MXI1: variants seen among roughly 807,000 people sequenced by gnomAD.
The protein encoded by MXI1 is MAX interactor 1, dimerization protein, also known as max-interacting protein 1.
In MXI1, 18 loss-of-function variants were observed where a neutral mutation model predicts 36.9. The ratio of observed to expected loss-of-function variants is 0.49; its 90% CI spans 0.34 to 0.72. MXI1 has a LOEUF of 0.72. Among genes scored for constraint, MXI1 ranks in the 30% least tolerant of loss-of-function variants. MXI1 has a pLI of 0.01. For synonymous variants in MXI1, 160 were observed against 146.7 expected, an observed-to-expected ratio of 1.09 and a Z score of -0.65; for missense variants, 304 against 379.1, an observed-to-expected ratio of 0.80 and a Z score of 1.64.
At chr10:110,229,965 A>G (rs1201619928) in intron 2 of MXI1, among the ~76,000 whole-genome samples, 1 of 152,134 alleles carries the variant, frequency 6.6e-6, no homozygotes, top group Non-Finnish European at 1.5e-5. Context: ...TTAGGTATAT[A>G]ATTTCAGTAC....
chr10:110,218,542 C>T (rs1461481160), intron 1 of MXI1, among the ~76,000 whole-genome samples: 2 of 152,134 alleles, frequency 1.3e-5, no homozygotes, highest in Non-Finnish European at 2.9e-5. Flanking sequence ...CCTTTTCTCC[C>T]CACTCTTGCT....
rs775254974 is a variant in MXI1, at chr10:110,284,804, T to TTC, written c.725-19_725-18insCT. ...ATACTCGATAATTAATGTTCTTCTT[T>TTC]TTTTTTTTTCCTTTGGCAGAGGAGA... On this transcript the variant is annotated intron_variant, in intron 5 of 5. Coordinates refer to ENST00000332674, the MANE Select transcript of MXI1 (RefSeq NM_130439.3). 1.2e-5 allele frequency: 14 copies of TTC among 1,163,360 alleles called. No individual in the cohort carries two copies. The highest frequency in any genetic ancestry group is 1.0e-4 in the Admixed American group (3 of 30,142). 72.1% of individuals were successfully genotyped at this position (1,163,360 alleles called of 1,614,324 possible).
Position 110,287,032 on chromosome 10 carries a change from T to G in MXI1, c.*2045T>G, listed in dbSNP as rs1289642191. 6.6e-6 allele frequency: 1 copy of G among 152,256 alleles called. No homozygotes were observed. The highest frequency in any genetic ancestry group is 1.5e-5 in the Non-Finnish European group (1 of 68,042). The allele number at this position is 152,256 out of a possible 1,614,324, so 9.4% of individuals were successfully genotyped here. ...ACTCTTGATCAAGTGTGAGACAGTT[T>G]GAAGACTGTGCTACCATACAAAGTG... On this transcript the variant is annotated 3_prime_UTR_variant, in exon 6 of 6. Transcript: ENST00000332674.
Position 110,284,843 on chromosome 10 carries a change from T to A in MXI1, c.744T>A (p.Val248=), listed in dbSNP as rs1857391233. 1 of 1,606,908 alleles carries A rather than the reference T, an allele frequency of 6.2e-7. No homozygotes were observed. The highest frequency in any genetic ancestry group is 1.1e-5 in the South Asian group (1 of 89,348). The part of the protein sequence containing the change: ...DSEREEIEVD[V]ESTEFSHGEV... ...TGGCAGAGGAGATTGAAGTGGATGTTGAAAGCACAGAGTTCTCCCATGGAG... is the reference window on the plus strand; with the variant it reads ...TGGCAGAGGAGATTGAAGTGGATGTAGAAAGCACAGAGTTCTCCCATGGAG... Residue 248 remains valine, a synonymous_variant, in exon 6 of 6, where the codon GTT becomes GTA. Transcript: ENST00000332674.
intron 1 of MXI1, among the ~76,000 whole-genome samples, chr10:110,209,212 A>G (rs571064648): frequency 5.3e-4 from 81 of 152,256 alleles, no homozygotes; most frequent in African/African-American, 1.8e-3. Context: ...ATAGCTGTGA[A>G]AAGGAGGAAG....
intron 2 of MXI1, among the ~76,000 whole-genome samples, chr10:110,243,137 A>C (rs1855734296): frequency 6.6e-6 from 1 of 152,114 alleles, no homozygotes; most frequent in Admixed American, 6.5e-5. Flanking sequence ...AATTTTAAAC[A>C]CTTTTATGGT....
chr10:110,274,984 C>T (rs570891387), intron 3 of MXI1, among the ~76,000 whole-genome samples: 29 of 150,614 alleles, frequency 1.9e-4, no homozygotes, highest in African/African-American at 6.6e-4. Context: ...AAGCGATTCT[C>T]CTGCCTCAGC....
At chr10:110,280,998 A>C (rs1481170560) in intron 5 of MXI1, among the ~76,000 whole-genome samples, 1 of 152,218 alleles carries the variant, frequency 6.6e-6, no homozygotes, top group Non-Finnish European at 1.5e-5. Context: ...CATTTGGAGA[A>C]AGGAGCTCAT....
chr10:110,240,361 G>A (rs1368917919), intron 2 of MXI1, among the ~76,000 whole-genome samples: 2 of 151,982 alleles, frequency 1.3e-5, no homozygotes, highest in African/African-American at 4.8e-5. Flanking sequence ...ATTGATTATA[G>A]TTATTGTTGT....
intron 1 of MXI1, chr10:110,210,223 T>A (rs1461846158): frequency 1.0e-6 from 1 of 982,536 alleles, no homozygotes; most frequent in Non-Finnish European, 1.2e-6. Context: ...AGGGGCTTCC[T>A]CCCAGCCCAT....
chr10:110,274,581 ATAAAG>A (rs1242985587), intron 3 of MXI1, among the ~76,000 whole-genome samples: 1 of 152,252 alleles, frequency 6.6e-6, no homozygotes. Context: ...TTAAATAAAA[ATAAAG>A]TAAATGTCCA....
chr10:110,279,634 T>A (rs1392277284), intron 4 of MXI1, among the ~76,000 whole-genome samples: 1 of 152,244 alleles, frequency 6.6e-6, no homozygotes, highest in East Asian at 1.9e-4. Flanking sequence ...CTAGAGGAAG[T>A]TTCTCCGTGG....
At chr10:110,224,479 A>T (rs548330454) in intron 1 of MXI1, among the ~76,000 whole-genome samples, 1 of 152,268 alleles carries the variant, frequency 6.6e-6, no homozygotes, top group East Asian at 1.9e-4. Flanking sequence ...GCTCCTAAAC[A>T]TCCTGCAAAG....
chr10:110,224,695 C>T (rs113927900), intron 1 of MXI1, among the ~76,000 whole-genome samples: 7,805 of 149,904 alleles, frequency 0.052, 306 homozygotes, highest in Middle Eastern at 0.14. Context: ...GGCTGGAGGC[C>T]GGAGTGCAGT....
intron 3 of MXI1, among the ~76,000 whole-genome samples, chr10:110,275,698 T>C (rs1392199790): frequency 6.6e-6 from 1 of 152,204 alleles, no homozygotes; most frequent in East Asian, 1.9e-4. Context: ...TTTGTTATTC[T>C]ACTCTCCAAA....
intron 5 of MXI1, among the ~76,000 whole-genome samples, chr10:110,280,572 C>T (rs1048043799): frequency 6.6e-5 from 10 of 151,168 alleles, no homozygotes; most frequent in African/African-American, 2.2e-4. Flanking sequence ...CCTAGCTACT[C>T]GGGAGGCTGA....
At chr10:110,234,007 C>G (rs1282019041) in intron 2 of MXI1, among the ~76,000 whole-genome samples, 1 of 152,098 alleles carries the variant, frequency 6.6e-6, no homozygotes, top group African/African-American at 2.4e-5. Flanking sequence ...GTACAATTCT[C>G]TGATTTATGA....
chr10:110,251,304 A>G (rs1190665499), intron 3 of MXI1, among the ~76,000 whole-genome samples: 1 of 152,160 alleles, frequency 6.6e-6, no homozygotes, highest in Non-Finnish European at 1.5e-5. Flanking sequence ...GATCATGAAT[A>G]TGAGAGTTAC....
At chr10:110,227,558 A>C in intron 1 of MXI1, 1 of 920,242 alleles carries the variant, frequency 1.1e-6, no homozygotes, top group Non-Finnish European at 1.3e-6. Flanking sequence ...GGGAGATAAG[A>C]GGAAGGAGGA....
Sources: gnomAD v4.1 joint callset for allele counts (sites outside exome capture counted in the v4.1 genomes callset) on GRCh38, gnomAD v4.1.1 for gene constraint, MANE v1.5 for transcripts, NCBI Gene and HGNC (gene_info 2026-07-23, HGNC 2026-07-21) for gene names.